The following CRISPLD2 variants were observed in gnomAD, a reference collection of about 807,000 sequenced individuals.
The protein encoded by CRISPLD2 is cysteine rich secretory protein LCCL domain containing 2, also known as cysteine-rich secretory protein LCCL domain-containing 2.
CRISPLD2 carries 47 observed loss-of-function variants against 71.1 expected under a neutral mutation model. The observed-to-expected ratio is 0.66, with a 90% confidence interval of 0.52 to 0.84. CRISPLD2 has a LOEUF of 0.84. CRISPLD2 is among the 40% of genes least tolerant of loss of function. The pLI, the probability that CRISPLD2 is intolerant of heterozygous loss-of-function variation, is 0.00. For synonymous variants in CRISPLD2, 317 were observed against 250.1 expected (o/e 1.27, Z -2.52); for missense variants, 830 against 651.1 (o/e 1.27, Z -2.99).
chr16:84,866,876 T>C (rs771591806), intron 6 of CRISPLD2, 21 bp from the exon 7 acceptor site: 5 of 1,602,302 alleles, frequency 3.1e-6, no homozygotes, highest in Non-Finnish European at 4.3e-6. Flanking sequence ...TTATTTTTTT[T>C]CCTCCCTCTC....
At chr16:84,870,824 C>T (rs1284987048) in intron 8 of CRISPLD2, among the ~76,000 whole-genome samples, 1 of 151,856 alleles carries the variant, frequency 6.6e-6, no homozygotes, top group East Asian at 2.0e-4. Context: ...TTTGGGAGGC[C>T]GAGGCGGGTG....
At chr16:84,853,706 G>A (rs948020753) in intron 5 of CRISPLD2, among the ~76,000 whole-genome samples, 1 of 152,224 alleles carries the variant, frequency 6.6e-6, no homozygotes, top group Non-Finnish European at 1.5e-5. Context: ...AGCGTTCCCC[G>A]CACAAGCCTG....
intron 7 of CRISPLD2, among the ~76,000 whole-genome samples, chr16:84,867,523 G>C (rs1484330590): frequency 6.6e-6 from 1 of 152,236 alleles, no homozygotes. Context: ...GGGTCACCCA[G>C]TGCCAGCTGA....
intron 14 of CRISPLD2, among the ~76,000 whole-genome samples, chr16:84,905,652 A>G (rs964407885): frequency 8.7e-5 from 8 of 92,230 alleles, no homozygotes; most frequent in African/African-American, 3.7e-4. Flanking sequence ...TGGCCTCCCA[A>G]AGTGCTGGGA....
chr16:84,875,103 AGGGTG>A (rs2071506286), intron 11 of CRISPLD2, among the ~76,000 whole-genome samples: 1 of 152,068 alleles, frequency 6.6e-6, no homozygotes, highest in Admixed American at 6.6e-5. Flanking sequence ...TTAGCTGGGC[AGGGTG>A]GCACACACCT....
At chr16:84,897,860 G>A (rs1418062626) in intron 14 of CRISPLD2, among the ~76,000 whole-genome samples, 2 of 152,166 alleles carry the variant, frequency 1.3e-5, no homozygotes. Context: ...CAGGTGATCC[G>A]CCTGCCTTGG....
At chr16:84,882,371 A>AAAAAAAAAAGAAAT (rs368239840) in intron 13 of CRISPLD2, among the ~76,000 whole-genome samples, 27 of 114,108 alleles carry the variant, frequency 2.4e-4, no homozygotes, top group African/African-American at 3.3e-4. Flanking sequence ...AAAAAAAAAA[A>AAAAAAAAAAGAAAT]GCAAGAACTT....
intron 13 of CRISPLD2, 21 bp from the exon 14 acceptor site, chr16:84,889,209 C>A: frequency 6.2e-7 from 1 of 1,613,942 alleles, no homozygotes; most frequent in Non-Finnish European, 8.5e-7. Flanking sequence ...TCGCTGATCA[C>A]AGCCCTTCCT....
chr16:84,890,529 C>T (rs888958495), intron 14 of CRISPLD2, among the ~76,000 whole-genome samples: 24 of 152,136 alleles, frequency 1.6e-4, no homozygotes, highest in African/African-American at 5.1e-4. Context: ...TGAGTCCTTT[C>T]CATCCCAGGG....
chr16:84,864,521 C>T (rs1489737834), intron 6 of CRISPLD2, among the ~76,000 whole-genome samples: 1 of 152,216 alleles, frequency 6.6e-6, no homozygotes, highest in Non-Finnish European at 1.5e-5. Flanking sequence ...AACAGACACG[C>T]GCCTGGGCAG....
chr16:84,905,335 C>T (rs939470398), intron 14 of CRISPLD2, among the ~76,000 whole-genome samples: 24 of 152,110 alleles, frequency 1.6e-4, no homozygotes, highest in Non-Finnish European at 3.4e-4. Context: ...CTCTAAAAAC[C>T]ATTGAATTGT....
In CRISPLD2 at chr16:84,851,203, A is replaced by G. The variant is rs116494518; in HGVS notation, c.608+520A>G. 3.7e-3 allele frequency among the ~76,000 whole-genome samples: 564 copies of G among 152,332 alleles called. 5 individuals are homozygous for G. Among genetic ancestry groups the G allele is most frequent in the African/African-American group, 0.013 (534 of 41,562 alleles). On this transcript the variant is annotated intron_variant, in intron 5 of 14. Coordinates refer to ENST00000262424, the MANE Select transcript of CRISPLD2 (RefSeq NM_031476.4). ...ACATGCAGTAGACAGCACCCTAGAAAACACATGTTCACACAAAGCCTAGCT... is the reference window on the plus strand; with the variant it reads ...ACATGCAGTAGACAGCACCCTAGAAGACACATGTTCACACAAAGCCTAGCT...
intron 1 of CRISPLD2, among the ~76,000 whole-genome samples, chr16:84,829,793 A>G (rs80035768): frequency 1.2e-3 from 188 of 152,340 alleles, no homozygotes; most frequent in African/African-American, 4.4e-3. Context: ...CATCGTCTGT[A>G]AAATAGGGCT....
chr16:84,854,549 ACT>A (rs904962458), intron 5 of CRISPLD2, among the ~76,000 whole-genome samples, 178 bp from the exon 6 acceptor site: 8 of 151,348 alleles, frequency 5.3e-5, no homozygotes, highest in Non-Finnish European at 1.0e-4. Context: ...AGCTCTCTAG[ACT>A]CTCTGTGCAC....
chr16:84,901,786 A>AT (rs1567707876), intron 14 of CRISPLD2, among the ~76,000 whole-genome samples: 2 of 107,004 alleles, frequency 1.9e-5, no homozygotes, highest in East Asian at 5.6e-4. Flanking sequence ...CACTGGTTGC[A>AT]CTTTTTTTTT....
At chr16:84,849,705 G>A (rs952305403) in intron 4 of CRISPLD2, among the ~76,000 whole-genome samples, 188 bp downstream of exon 4, 2 of 136,756 alleles carry the variant, frequency 1.5e-5, no homozygotes, top group African/African-American at 5.4e-5. Context: ...CAGAAACTGA[G>A]TGAGCACTAC....
chr16:84,852,739 G>T (rs73250083), intron 5 of CRISPLD2, among the ~76,000 whole-genome samples: 208 of 152,236 alleles, frequency 1.4e-3, no homozygotes, highest in African/African-American at 4.3e-3. Flanking sequence ...AGAGGGCCTT[G>T]TGTGTGAGGG....
At chr16:84,880,653 G>A in intron 13 of CRISPLD2, 69 bp downstream of exon 13, 1 of 1,164,452 alleles carries the variant, frequency 8.6e-7, no homozygotes, top group Non-Finnish European at 1.3e-6. Flanking sequence ...CAAGCTCCAA[G>A]ATCTGGATAC....
intron 1 of CRISPLD2, among the ~76,000 whole-genome samples, chr16:84,834,274 G>A (rs988770489): frequency 2.0e-5 from 3 of 152,262 alleles, no homozygotes; most frequent in Admixed American, 1.3e-4. Context: ...GGTTGCTGGC[G>A]TGAGCCCCTT....
Sources: gnomAD v4.1 joint callset for allele counts (sites outside exome capture counted in the v4.1 genomes callset) on GRCh38, gnomAD v4.1.1 for gene constraint, MANE v1.5 for transcripts, NCBI Gene and HGNC (gene_info 2026-07-23, HGNC 2026-07-21) for gene names.